SH3RF3: variants seen among roughly 807,000 people sequenced by gnomAD.
SH3RF3 encodes the protein SH3 domain containing ring finger 3, also known as E3 ubiquitin-protein ligase SH3RF3.
A neutral mutation model predicts 66.3 loss-of-function variants in SH3RF3; 29 were observed. That is an observed-to-expected ratio of 0.44 (90% CI 0.33 to 0.60). The LOEUF is 0.60. SH3RF3 is among the 20% of genes least tolerant of loss of function. The pLI is 0.04. For synonymous variants in SH3RF3, 583 were observed against 532.0 expected, an observed-to-expected ratio of 1.10 and a Z score of -1.32; for missense variants, 1,194 against 1,190.9, an observed-to-expected ratio of 1.00 and a Z score of -0.04.
intron 1 of SH3RF3, among the ~76,000 whole-genome samples, chr2:109,135,924 A>G (rs375136082): frequency 2.8e-4 from 42 of 152,322 alleles, no homozygotes; most frequent in Non-Finnish European, 5.6e-4. Flanking sequence ...GCAGGGGAGA[A>G]TAATCCTGCT....
chr2:109,489,122 T>C (rs1679059177), intron 8 of SH3RF3, among the ~76,000 whole-genome samples: 1 of 152,256 alleles, frequency 6.6e-6, no homozygotes, highest in African/African-American at 2.4e-5. Context: ...GATCCACACT[T>C]GCCCAGGGCA....
At chr2:109,218,250 A>G (rs11892396) in intron 1 of SH3RF3, among the ~76,000 whole-genome samples, 57,346 of 152,032 alleles carry the variant, frequency 0.38, 12,280 homozygotes, top group East Asian at 0.8. Context: ...GCACAAAAAA[A>G]GACATTTCAG....
chr2:109,360,111 G>A (rs991225073), intron 2 of SH3RF3, among the ~76,000 whole-genome samples: 20 of 150,680 alleles, frequency 1.3e-4, no homozygotes, highest in Non-Finnish European at 2.8e-4. Flanking sequence ...TCAAAGCACA[G>A]CATCATAGGT....
intron 1 of SH3RF3, among the ~76,000 whole-genome samples, chr2:109,194,239 A>C (rs1356768258): frequency 6.6e-6 from 1 of 152,236 alleles, no homozygotes; most frequent in African/African-American, 2.4e-5. Flanking sequence ...CTTAGCATCC[A>C]TCAGCCTCAT....
At chr2:109,357,779 G>A (rs536446548) in intron 2 of SH3RF3, among the ~76,000 whole-genome samples, 173 of 152,276 alleles carry the variant, frequency 1.1e-3, no homozygotes, top group South Asian at 6.8e-3. Context: ...TTTTAGAGCC[G>A]TTGTAAGTTC....
intron 8 of SH3RF3, among the ~76,000 whole-genome samples, chr2:109,453,456 CTG>C: frequency 6.6e-6 from 1 of 152,230 alleles, no homozygotes; most frequent in Non-Finnish European, 1.5e-5. Flanking sequence ...GGTTTTGAAA[CTG>C]TGTGAGCACA....
intron 7 of SH3RF3, among the ~76,000 whole-genome samples, chr2:109,444,253 C>T (rs988799398): frequency 3.3e-5 from 5 of 152,178 alleles, no homozygotes; most frequent in Admixed American, 6.5e-5. Flanking sequence ...GATTTAGAGA[C>T]TTCTTAAAAA....
intron 4 of SH3RF3, among the ~76,000 whole-genome samples, chr2:109,405,763 G>A (rs10192643): frequency 0.57 from 86,028 of 152,050 alleles, 24,927 homozygotes; most frequent in African/African-American, 0.66. Flanking sequence ...AGGACTTCCA[G>A]TGTGCCCATG....
At chr2:109,446,104 G>A (rs776987094) in intron 7 of SH3RF3, among the ~76,000 whole-genome samples, 55 of 152,088 alleles carry the variant, frequency 3.6e-4, no homozygotes, top group African/African-American at 9.4e-4. Context: ...CAGCCAGCTC[G>A]GGGTTGGGGC....
intron 1 of SH3RF3, among the ~76,000 whole-genome samples, chr2:109,167,738 A>AT (rs1677664449): frequency 6.6e-6 from 1 of 151,914 alleles, no homozygotes; most frequent in South Asian, 2.1e-4. Context: ...CGCCTGGCTA[A>AT]TTTTTTGTAT....
At chr2:109,135,651 T>C (rs2104811269) in intron 1 of SH3RF3, among the ~76,000 whole-genome samples, 1 of 152,182 alleles carries the variant, frequency 6.6e-6, no homozygotes. Context: ...TGTACGTGTG[T>C]GGATGTGGAT....
chr2:109,252,616 A>G (rs1255963963), intron 1 of SH3RF3, among the ~76,000 whole-genome samples: 2 of 152,234 alleles, frequency 1.3e-5, no homozygotes, highest in African/African-American at 2.4e-5. Context: ...AAACCCATCA[A>G]TAGTTGGAAG....
chr2:109,230,693 G>A (rs527610272), intron 1 of SH3RF3, among the ~76,000 whole-genome samples: 10 of 152,254 alleles, frequency 6.6e-5, no homozygotes, highest in Admixed American at 6.5e-4. Flanking sequence ...CGTAAGTCGG[G>A]GATCATCAGC....
chr2:109,169,549 G>A (rs1173004422), intron 1 of SH3RF3, among the ~76,000 whole-genome samples: 1 of 152,018 alleles, frequency 6.6e-6, no homozygotes, highest in African/African-American at 2.4e-5. Flanking sequence ...TAGCTTCTAA[G>A]GGGTCCAGGC....
intron 1 of SH3RF3, among the ~76,000 whole-genome samples, chr2:109,316,825 T>G (rs1197270019): frequency 1.3e-5 from 2 of 152,244 alleles, no homozygotes; most frequent in African/African-American, 4.8e-5. Flanking sequence ...GGCCTCACCC[T>G]CTGGCTGCCG....
intron 1 of SH3RF3, among the ~76,000 whole-genome samples, chr2:109,247,376 A>G (rs971478450): frequency 1.8e-4 from 27 of 152,158 alleles, no homozygotes; most frequent in African/African-American, 6.3e-4. Flanking sequence ...TTTACTTCCT[A>G]AGTAACCTAG....
intron 1 of SH3RF3, among the ~76,000 whole-genome samples, chr2:109,312,312 C>CT (rs1313782064): frequency 1.3e-5 from 2 of 152,180 alleles, no homozygotes; most frequent in African/African-American, 2.4e-5. Flanking sequence ...TCGAGGTTGG[C>CT]TTGCTCCTCT....
chr2:109,196,285 C>T (rs1462631316), intron 1 of SH3RF3, among the ~76,000 whole-genome samples: 38 of 152,198 alleles, frequency 2.5e-4, no homozygotes, highest in Admixed American at 2.5e-3. Flanking sequence ...CTGGGCTGCT[C>T]CAGGCCAGCA....
intron 8 of SH3RF3, among the ~76,000 whole-genome samples, chr2:109,465,551 A>G (rs774356627): frequency 4.6e-5 from 7 of 152,180 alleles, no homozygotes; most frequent in Non-Finnish European, 8.8e-5. Context: ...TCTCATTGTT[A>G]TTATACTTTG....
Sources: allele counts gnomAD v4.1 joint callset (sites outside exome capture counted in the v4.1 genomes callset), GRCh38; gene constraint gnomAD v4.1.1; transcripts MANE v1.5; gene names NCBI Gene and HGNC (gene_info 2026-07-23, HGNC 2026-07-21).